Variants in SYT1 observed in about 807,000 individuals in gnomAD.
SYT1 encodes the protein synaptotagmin-1.
Under a neutral mutation model 44.8 loss-of-function variants are expected in SYT1, and 8 were observed. The ratio of observed to expected loss-of-function variants is 0.18; its 90% CI spans 0.10 to 0.32. The LOEUF (loss-of-function observed/expected upper bound fraction) is 0.32. Among genes scored for constraint, SYT1 ranks in the 10% least tolerant of loss-of-function variants. SYT1 has a pLI of 1.00. For synonymous variants in SYT1, 154 were observed against 188.8 expected (o/e 0.82, Z 1.51); for missense variants, 286 against 509.3 (o/e 0.56, Z 4.22).
At chr12:79,269,915 G>T (rs1284225769) in intron 4 of SYT1, among the ~76,000 whole-genome samples, 2 of 152,112 alleles carry the variant, frequency 1.3e-5, no homozygotes, top group Non-Finnish European at 2.9e-5. Flanking sequence ...ACCTCTGATT[G>T]ATTTAATCTT....
chr12:78,985,910 C>G (rs547405556), intron 2 of SYT1, among the ~76,000 whole-genome samples: 1 of 152,022 alleles, frequency 6.6e-6, no homozygotes, highest in African/African-American at 2.4e-5. Context: ...TTACCAACAA[C>G]TTTGTCATTT....
At chr12:79,238,749 T>C (rs1370053937) in intron 4 of SYT1, among the ~76,000 whole-genome samples, 1 of 152,234 alleles carries the variant, frequency 6.6e-6, no homozygotes, top group African/African-American at 2.4e-5. Context: ...TAATCCCTCA[T>C]ATATTTGCAG....
chr12:78,884,465 T>C (rs1484186591), intron 1 of SYT1, among the ~76,000 whole-genome samples: 2 of 113,266 alleles, frequency 1.8e-5, no homozygotes, highest in Non-Finnish European at 4.3e-5. Context: ...ACATAAGGTG[T>C]ACTAAAGGAT....
intron 8 of SYT1, among the ~76,000 whole-genome samples, chr12:79,320,795 G>A (rs1324083636): frequency 6.6e-6 from 1 of 151,480 alleles, no homozygotes; most frequent in East Asian, 2.0e-4. Flanking sequence ...GCTAATTTTT[G>A]TGTTTTTAGT....
intron 9 of SYT1, among the ~76,000 whole-genome samples, chr12:79,378,133 T>C (rs1884075814): frequency 6.6e-6 from 1 of 152,200 alleles, no homozygotes; most frequent in African/African-American, 2.4e-5. Context: ...ATCCTTATTT[T>C]TAATTCACTT....
rs147119804 is a variant in SYT1 at position 79,151,155 on chromosome 12, A to T, written c.-17-66348A>T. On this transcript the variant is annotated intron_variant, in intron 3 of 10. Transcript: ENST00000261205. ...ATGGGGTGATAAACCTATTGAAGAA[A>T]CCACACTGGCTGAGAAATTGGGCAT... Among the ~76,000 whole-genome samples the T allele has an allele frequency of 5.4e-3, 829 of 152,226 alleles. 8 individuals carry two copies. The highest frequency in any genetic ancestry group is 0.019 in the African/African-American group (785 of 41,532).
At chr12:79,302,940 T>A (rs1880218841) in intron 8 of SYT1, among the ~76,000 whole-genome samples, 1 of 152,184 alleles carries the variant, frequency 6.6e-6, no homozygotes, top group African/African-American at 2.4e-5. Flanking sequence ...TTAATTTTTT[T>A]ATTTCTCAGT....
chr12:79,017,114 A>T (rs1649010976), intron 2 of SYT1, among the ~76,000 whole-genome samples: 1 of 152,164 alleles, frequency 6.6e-6, no homozygotes, highest in African/African-American at 2.4e-5. Flanking sequence ...AGGTGGCTTT[A>T]AAAAACAACC....
At chr12:79,283,314 TA>T (rs1384189298) in intron 4 of SYT1, among the ~76,000 whole-genome samples, 2 of 152,156 alleles carry the variant, frequency 1.3e-5, no homozygotes, top group African/African-American at 4.8e-5. Flanking sequence ...CTTTAAGAAA[TA>T]AAAGTCATAA....
chr12:78,871,073 AACAC>A (rs750400246), intron 1 of SYT1, among the ~76,000 whole-genome samples: 3 of 152,056 alleles, frequency 2.0e-5, no homozygotes, highest in Non-Finnish European at 4.4e-5. Flanking sequence ...TTTTTAACTT[AACAC>A]CTGAGAATAA....
intron 9 of SYT1, among the ~76,000 whole-genome samples, chr12:79,374,259 T>C (rs1555221746): frequency 6.6e-6 from 1 of 152,130 alleles, no homozygotes; most frequent in Non-Finnish European, 1.5e-5. Context: ...AAGTAAATAT[T>C]TGAATTTCTA....
At chr12:79,217,460 A>C (rs1256554723) in intron 3 of SYT1, 43 bp from the exon 4 acceptor site, 2 of 1,465,726 alleles carry the variant, frequency 1.4e-6, no homozygotes, top group African/African-American at 1.4e-5. Flanking sequence ...GGAGCAGTTA[A>C]GCCATTTTGA....
At chr12:79,438,320 A>C (rs527663742) in intron 9 of SYT1, among the ~76,000 whole-genome samples, 2 of 152,200 alleles carry the variant, frequency 1.3e-5, no homozygotes, top group African/African-American at 4.8e-5. Flanking sequence ...GGAGGCAAGT[A>C]GGATGGAATG....
intron 3 of SYT1, among the ~76,000 whole-genome samples, chr12:79,105,220 C>G (rs1878648792): frequency 6.6e-6 from 1 of 152,156 alleles, no homozygotes; most frequent in Non-Finnish European, 1.5e-5. Context: ...CGAGCTTCAG[C>G]CTTCTCATTT....
At chr12:79,025,278 T>C (rs965011801) in intron 2 of SYT1, among the ~76,000 whole-genome samples, 1 of 151,780 alleles carries the variant, frequency 6.6e-6, no homozygotes, top group Non-Finnish European at 1.5e-5. Flanking sequence ...ATGTGAATCA[T>C]GACTCCACAT....
chr12:79,204,577 C>T (rs948748047), intron 3 of SYT1, among the ~76,000 whole-genome samples: 1 of 152,180 alleles, frequency 6.6e-6, no homozygotes, highest in Admixed American at 6.5e-5. Flanking sequence ...TCATAACTAC[C>T]AAAAGCATCT....
intron 1 of SYT1, among the ~76,000 whole-genome samples, chr12:78,924,642 A>G (rs1490050679): frequency 6.8e-6 from 1 of 147,432 alleles, no homozygotes; most frequent in African/African-American, 2.5e-5. Context: ...TATATTCTTT[A>G]TATATATAAA....
At chr12:79,334,607 T>C (rs566362383) in intron 8 of SYT1, among the ~76,000 whole-genome samples, 2 of 152,190 alleles carry the variant, frequency 1.3e-5, no homozygotes, top group African/African-American at 4.8e-5. Context: ...ATCGAGAACA[T>C]GCACGCATCC....
intron 1 of SYT1, 131 bp downstream of exon 1, chr12:78,865,240 G>A (rs562709452): frequency 6.6e-6 from 1 of 152,390 alleles, no homozygotes; most frequent in African/African-American, 2.4e-5. Flanking sequence ...GGATCCCCGG[G>A]TGGCCTATTG....
Sources: allele counts gnomAD v4.1 joint callset (sites outside exome capture counted in the v4.1 genomes callset), GRCh38; gene constraint gnomAD v4.1.1; transcripts MANE v1.5; gene names NCBI Gene and HGNC (gene_info 2026-07-23, HGNC 2026-07-21).